Variants in FGGY observed in about 807,000 individuals in gnomAD.
FGGY encodes FGGY carbohydrate kinase domain containing, also known as FGGY carbohydrate kinase domain-containing protein.
In FGGY, 72 loss-of-function variants were observed where a neutral mutation model predicts 71.3. The ratio of observed to expected loss-of-function variants is 1.01; its 90% CI spans 0.84 to 1.23. FGGY has a LOEUF of 1.23. Ranked by LOEUF, FGGY falls within the 50% of genes most tolerant of loss-of-function variation. The pLI is 0.00. For missense variants in FGGY, 668 were observed against 682.3 expected (o/e 0.98, Z 0.23); for synonymous variants, 251 against 250.3 (o/e 1.00, Z -0.02).
chr1:59,686,224 T>A (rs2097542928), intron 14 of FGGY, among the ~76,000 whole-genome samples: 1 of 152,118 alleles, frequency 6.6e-6, no homozygotes, highest in South Asian at 2.1e-4. Context: ...CCTTTTTCCA[T>A]GAATATTCCT....
intron 14 of FGGY, among the ~76,000 whole-genome samples, chr1:59,681,783 T>TACACACACACACACACACACATGC (rs1345658512): frequency 7.3e-6 from 1 of 137,048 alleles, no homozygotes; most frequent in African/African-American, 2.8e-5. Context: ...CCTTGAAAAA[T>TACACACACACACACACACACATGC]ACACACACAC....
At chr1:59,744,709 C>T (rs995199569) in intron 14 of FGGY, among the ~76,000 whole-genome samples, 1 of 152,338 alleles carries the variant, frequency 6.6e-6, no homozygotes, top group African/African-American at 2.4e-5. Context: ...ACCCCTGATT[C>T]ATTCATTAAT....
At chr1:59,559,467 G>T (rs2095749751) in intron 8 of FGGY, among the ~76,000 whole-genome samples, 1 of 152,108 alleles carries the variant, frequency 6.6e-6, no homozygotes, top group Non-Finnish European at 1.5e-5. Context: ...AATAGTTATG[G>T]ATATATATAC....
At chr1:59,753,618 G>T (rs1379520754) in intron 14 of FGGY, among the ~76,000 whole-genome samples, 1 of 149,572 alleles carries the variant, frequency 6.7e-6, no homozygotes, top group Admixed American at 6.7e-5. Flanking sequence ...TGTTACCCAT[G>T]CTATCCAACC....
At position 59,553,578 on chromosome 1, in the gene FGGY, G is replaced by C. The variant is rs145599912; in HGVS notation, c.800-546G>C. Among the ~76,000 whole-genome samples, 246 of 152,264 alleles carry C rather than the reference G, an allele frequency of 1.6e-3. 2 individuals carry two copies. Among genetic ancestry groups the C allele is most frequent in the African/African-American group, 5.6e-3 (232 of 41,542 alleles). The stretch of plus-strand genomic sequence containing the variant: ...TCTGCGATAAGTAGTAGTAAGAATG[G>C]TGACCTAGGGATGCCAGAAAGATTC... On this transcript the variant is annotated intron_variant, in intron 7 of 15. Transcript: ENST00000303721.
At position 59,757,944 on chromosome 1, in the gene FGGY, A is replaced by G; in HGVS notation, c.1526A>G (p.Lys509Arg). The G allele has an allele frequency of 6.2e-7, 1 of 1,613,332 alleles. No individual in the cohort carries two copies. Among genetic ancestry groups the G allele is most frequent in the Non-Finnish European group, 8.5e-7 (1 of 1,179,582 alleles). ...TCCATTTAATAGGAAGCAATGGCAAAAATGAGCAAAGTTGGGAAAGTTGTG... is the reference window on the plus strand; with the variant it reads ...TCCATTTAATAGGAAGCAATGGCAAGAATGAGCAAAGTTGGGAAAGTTGTG... ...DFASVQEAMA[K>R]MSKVGKVVFP... The change falls in exon 15 of 16, where the codon AAA becomes AGA. Residue 509 changes from lysine to arginine, a missense_variant. Coordinates refer to ENST00000303721, the MANE Select transcript of FGGY (RefSeq NM_018291.5).
At chr1:59,731,395 C>T (rs1021811026) in intron 14 of FGGY, among the ~76,000 whole-genome samples, 10 of 152,152 alleles carry the variant, frequency 6.6e-5, no homozygotes, top group African/African-American at 2.4e-4. Flanking sequence ...TGGAAAACCT[C>T]ACTGGGAAGC....
intron 2 of FGGY, among the ~76,000 whole-genome samples, chr1:59,329,598 C>G (rs1425141618): frequency 1.3e-5 from 2 of 152,218 alleles, no homozygotes; most frequent in African/African-American, 4.8e-5. Context: ...TCTCCTGGCT[C>G]TCTGCATTCC....
intron 6 of FGGY, among the ~76,000 whole-genome samples, chr1:59,467,771 A>T (rs914534302): frequency 6.6e-6 from 1 of 152,220 alleles, no homozygotes; most frequent in Non-Finnish European, 1.5e-5. Flanking sequence ...ACAAAAACAC[A>T]GTCACTTGGC....
At chr1:59,554,098 T>G in intron 7 of FGGY, 26 bp from the exon 8 acceptor site, 4 of 1,530,304 alleles carry the variant, frequency 2.6e-6, no homozygotes, top group African/African-American at 1.4e-5. Context: ...TTAAAGAGGA[T>G]TTGTTTTTGT....
rs546830861 is a variant in FGGY, at chr1:59,757,631, T to TG, written c.1513-298dup. Among the ~76,000 whole-genome samples, 207 of 152,326 alleles carry TG rather than the reference T, an allele frequency of 1.4e-3. 1 individual carries two copies. The highest frequency in any genetic ancestry group is 4.9e-3 in the African/African-American group (203 of 41,582). ...GGAAATAATTCTTCCCACTTACCCC[T>TG]GGAGGCAGTCACAGAACTGCTTTGC... is the stretch of plus-strand genomic sequence containing the variant. On this transcript the variant is annotated intron_variant, in intron 14 of 15. Coordinates refer to ENST00000303721, the MANE Select transcript of FGGY (RefSeq NM_018291.5).
At chr1:59,554,718 G>T (rs1219006948) in intron 8 of FGGY, among the ~76,000 whole-genome samples, 2 of 152,118 alleles carry the variant, frequency 1.3e-5, no homozygotes, top group African/African-American at 4.8e-5. Flanking sequence ...TTTTCACTTT[G>T]TTAATTTTTC....
At chr1:59,714,635 T>A (rs909056453) in intron 14 of FGGY, among the ~76,000 whole-genome samples, 1 of 152,184 alleles carries the variant, frequency 6.6e-6, no homozygotes, top group Non-Finnish European at 1.5e-5. Context: ...TTACTATGTC[T>A]TCTCAGCTAC....
chr1:59,616,782 G>C (rs192702580), intron 9 of FGGY, among the ~76,000 whole-genome samples: 20 of 151,856 alleles, frequency 1.3e-4, no homozygotes, highest in Admixed American at 1.2e-3. Context: ...TATTTTGAAG[G>C]CTTGTTTCCA....
intron 10 of FGGY, among the ~76,000 whole-genome samples, chr1:59,629,667 A>G (rs565454771): frequency 6.6e-6 from 1 of 152,292 alleles, no homozygotes; most frequent in East Asian, 1.9e-4. Context: ...AACGGTCATT[A>G]TTTTCTTAAA....
chr1:59,432,354 A>G, intron 5 of FGGY, among the ~76,000 whole-genome samples: 1 of 152,218 alleles, frequency 6.6e-6, no homozygotes, highest in Non-Finnish European at 1.5e-5. Context: ...AAAGGGGGTT[A>G]TGGGAACCTC....
intron 11 of FGGY, among the ~76,000 whole-genome samples, chr1:59,653,824 A>T (rs1171237347): frequency 6.6e-6 from 1 of 151,940 alleles, no homozygotes; most frequent in Non-Finnish European, 1.5e-5. Context: ...AATCTTTCTC[A>T]TGCTTTGAAC....
intron 11 of FGGY, among the ~76,000 whole-genome samples, chr1:59,655,783 CAT>C (rs1164559487): frequency 1.3e-5 from 2 of 152,166 alleles, no homozygotes; most frequent in African/African-American, 4.8e-5. Flanking sequence ...AATGATACCT[CAT>C]GTAATCCTCA....
intron 14 of FGGY, among the ~76,000 whole-genome samples, chr1:59,712,248 T>A (rs1439707549): frequency 6.6e-6 from 1 of 152,176 alleles, no homozygotes; most frequent in African/African-American, 2.4e-5. Context: ...TCATGCAAGA[T>A]GTAGGTTCCC....
Sources: gnomAD v4.1 joint callset for allele counts (sites outside exome capture counted in the v4.1 genomes callset) on GRCh38, gnomAD v4.1.1 for gene constraint, MANE v1.5 for transcripts, NCBI Gene and HGNC (gene_info 2026-07-23, HGNC 2026-07-21) for gene names.